UNC13C: variants seen among roughly 807,000 people sequenced by gnomAD.
The protein encoded by UNC13C is protein unc-13 homolog C.
UNC13C carries 174 observed loss-of-function variants against 245.4 expected under a neutral mutation model. The ratio of observed to expected loss-of-function variants is 0.71; its 90% CI spans 0.63 to 0.80. The LOEUF (loss-of-function observed/expected upper bound fraction) is 0.80. Ranked by LOEUF, UNC13C falls within the 30% of genes least tolerant of loss-of-function variation. The pLI is 0.00. For synonymous variants in UNC13C, 992 were observed against 895.1 expected, an observed-to-expected ratio of 1.11 and a Z score of -1.93; for missense variants, 2,829 against 2,602.9, an observed-to-expected ratio of 1.09 and a Z score of -1.89.
chr15:54,388,182 C>T (rs1446700847), intron 17 of UNC13C, among the ~76,000 whole-genome samples: 1 of 151,884 alleles, frequency 6.6e-6, no homozygotes, highest in African/African-American at 2.4e-5. Context: ...GTTTCTTCAC[C>T]TTCCCTTCCT....
intron 19 of UNC13C, among the ~76,000 whole-genome samples, chr15:54,421,300 A>G (rs1243822751): frequency 6.6e-6 from 1 of 151,994 alleles, no homozygotes; most frequent in Non-Finnish European, 1.5e-5. Flanking sequence ...AATCTAATAA[A>G]ATATGTAGAC....
intron 4 of UNC13C, among the ~76,000 whole-genome samples, chr15:54,172,636 A>G (rs933902903): frequency 3.4e-5 from 5 of 147,118 alleles, no homozygotes. Flanking sequence ...ATATTTTTAT[A>G]TGATGCTTAA....
the UNC13C span, chr15:53,911,217 T>TG: frequency 6.6e-6 from 1 of 152,166 alleles, no homozygotes; most frequent in Non-Finnish European, 1.5e-5. Context: ...GAGCAGGACC[T>TG]GGGGGTGGGG....
chr15:53,870,773 A>C, the UNC13C span, among the ~76,000 whole-genome samples: 1 of 152,206 alleles, frequency 6.6e-6, no homozygotes, highest in African/African-American at 2.4e-5. Flanking sequence ...GCCAAAGCAC[A>C]GAGGTTTAAG....
intron 19 of UNC13C, among the ~76,000 whole-genome samples, chr15:54,484,886 T>C (rs1893326027): frequency 6.6e-6 from 1 of 152,158 alleles, no homozygotes; most frequent in Admixed American, 6.5e-5. Flanking sequence ...TCCACAAAGA[T>C]TTGAGTGTTT....
At chr15:53,935,740 C>G in the UNC13C span, among the ~76,000 whole-genome samples, 12 of 152,278 alleles carry the variant, frequency 7.9e-5, no homozygotes, top group East Asian at 1.6e-3. Context: ...CACCCTCAGC[C>G]AAGATAGGTG....
the UNC13C span, among the ~76,000 whole-genome samples, chr15:53,923,702 G>C: frequency 6.6e-6 from 1 of 152,208 alleles, no homozygotes; most frequent in East Asian, 1.9e-4. Flanking sequence ...ATGGGATATT[G>C]GGAGAGAGTG....
At chr15:54,459,848 C>G (rs982799039) in intron 19 of UNC13C, among the ~76,000 whole-genome samples, 17 of 151,950 alleles carry the variant, frequency 1.1e-4, no homozygotes, top group African/African-American at 4.1e-4. Context: ...CTGGTGCCCT[C>G]TTGAGTAGCT....
intron 30 of UNC13C, among the ~76,000 whole-genome samples, chr15:54,613,116 A>G (rs566548357): frequency 2.0e-5 from 3 of 152,052 alleles, no homozygotes; most frequent in Admixed American, 1.3e-4. Context: ...ATAGATCTAT[A>G]TAAAAACAAT....
intron 24 of UNC13C, among the ~76,000 whole-genome samples, chr15:54,519,319 A>G (rs561690058): frequency 3.9e-5 from 6 of 152,330 alleles, no homozygotes; most frequent in African/African-American, 1.4e-4. Flanking sequence ...AACAGTTCAT[A>G]GAAACAGAAA....
intron 19 of UNC13C, among the ~76,000 whole-genome samples, chr15:54,486,568 C>A (rs550030819): frequency 6.6e-5 from 10 of 151,996 alleles, no homozygotes; most frequent in Non-Finnish European, 1.5e-4. Flanking sequence ...AGTTCTAATT[C>A]TCACAGATAT....
intron 2 of UNC13C, among the ~76,000 whole-genome samples, chr15:54,068,573 T>C (rs1375981394): frequency 6.6e-6 from 1 of 152,190 alleles, no homozygotes; most frequent in Admixed American, 6.5e-5. Context: ...ATTTATTATC[T>C]GGTAGTTTAC....
intron 7 of UNC13C, among the ~76,000 whole-genome samples, chr15:54,241,689 G>A (rs12912762): frequency 0.31 from 46,400 of 152,096 alleles, 7,236 homozygotes; most frequent in Non-Finnish European, 0.31. Flanking sequence ...AAAGCTCTTT[G>A]TTTAGTCAAA....
Position 54,297,833 on chromosome 15 carries a change from T to C in UNC13C, c.4011T>C (p.Ala1337=). 1 of 1,609,420 alleles carries C rather than the reference T, an allele frequency of 6.2e-7. No homozygotes were observed. Among genetic ancestry groups the C allele is most frequent in the Non-Finnish European group, 8.5e-7 (1 of 1,177,636 alleles). ...YNLEKRTDKS[A]VSGAIRLKIN... is the part of the protein sequence containing the mutation. ...CAGAGAAAAGGACAGATAAGTCAGC[T>C]GTATCTGGGGCCATACGATTGAAAA... The change falls in exon 12 of 33, where the codon GCT becomes GCC. Residue 1337 remains alanine, a synonymous_variant. Coordinates refer to ENST00000260323, the MANE Select transcript of UNC13C (RefSeq NM_001080534.3).
intron 17 of UNC13C, among the ~76,000 whole-genome samples, chr15:54,359,428 A>G (rs1057422983): frequency 3.3e-5 from 5 of 152,046 alleles, no homozygotes; most frequent in East Asian, 1.9e-4. Flanking sequence ...TGATAATTCA[A>G]TATTATTGGC....
intron 2 of UNC13C, among the ~76,000 whole-genome samples, chr15:54,091,202 T>G (rs1467773986): frequency 6.6e-6 from 1 of 152,180 alleles, no homozygotes; most frequent in African/African-American, 2.4e-5. Flanking sequence ...TTAAGACCTG[T>G]AATTGTCTCT....
the UNC13C span, among the ~76,000 whole-genome samples, chr15:53,950,064 G>C: frequency 6.6e-6 from 1 of 152,080 alleles, no homozygotes; most frequent in African/African-American, 2.4e-5. Context: ...TCTTACCTCA[G>C]TACCTTATAA....
chr15:53,964,483 G>A, the UNC13C span, among the ~76,000 whole-genome samples: 15 of 152,104 alleles, frequency 9.9e-5, no homozygotes, highest in South Asian at 2.1e-4. Flanking sequence ...AATAATTACT[G>A]GGTAGCCAAT....
intron 19 of UNC13C, among the ~76,000 whole-genome samples, chr15:54,471,577 CTT>C (rs1892463910): frequency 6.6e-6 from 1 of 151,494 alleles, no homozygotes; most frequent in Admixed American, 6.6e-5. Context: ...CAGTCTATGA[CTT>C]TTCCATAAGG....
Sources: gnomAD v4.1 joint callset for allele counts (sites outside exome capture counted in the v4.1 genomes callset) on GRCh38, gnomAD v4.1.1 for gene constraint, MANE v1.5 for transcripts, NCBI Gene and HGNC (gene_info 2026-07-23, HGNC 2026-07-21) for gene names.